The following CDH18 variants were observed in gnomAD, a reference collection of about 807,000 sequenced individuals.
CDH18 encodes cadherin-18.
In CDH18, 31 loss-of-function variants were observed where a neutral mutation model predicts 67.9. That is an observed-to-expected ratio of 0.46 (90% CI 0.34 to 0.62). The LOEUF (loss-of-function observed/expected upper bound fraction) is 0.62, where lower values mean the gene tolerates loss of function less well. Among genes scored for constraint, CDH18 ranks in the 20% least tolerant of loss-of-function variants. The pLI is 0.01. For synonymous variants in CDH18, 362 were observed against 347.2 expected (o/e 1.04, Z -0.48); for missense variants, 890 against 975.5 (o/e 0.91, Z 1.17).
At chr5:19,940,098 A>C (rs1794668896) in intron 2 of CDH18, among the ~76,000 whole-genome samples, 1 of 151,884 alleles carries the variant, frequency 6.6e-6, no homozygotes, top group Admixed American at 6.6e-5. Context: ...TATAGAGACC[A>C]GTACTTTTCT....
At chr5:19,655,422 A>G (rs187091067) in intron 5 of CDH18, among the ~76,000 whole-genome samples, 8 of 151,734 alleles carry the variant, frequency 5.3e-5, no homozygotes, top group Admixed American at 1.3e-4. Context: ...ATATTCACTA[A>G]TGTATCAGTA....
chr5:20,414,550 C>G (rs984294664), intron 1 of CDH18, among the ~76,000 whole-genome samples: 1 of 152,078 alleles, frequency 6.6e-6, no homozygotes, highest in Non-Finnish European at 1.5e-5. Context: ...TCAATAGTAG[C>G]CCAAACCCCA....
intron 2 of CDH18, among the ~76,000 whole-genome samples, chr5:19,841,446 T>C (rs930315880): frequency 3.3e-5 from 5 of 151,996 alleles, no homozygotes; most frequent in Non-Finnish European, 7.4e-5. Context: ...CCCTCATTTA[T>C]TAAAATTTGT....
chr5:20,031,074 T>A (rs1339565637), intron 2 of CDH18, among the ~76,000 whole-genome samples: 4 of 152,114 alleles, frequency 2.6e-5, no homozygotes, highest in African/African-American at 9.7e-5. Flanking sequence ...TCATGAGGAA[T>A]CTCAGCTATA....
intron 2 of CDH18, among the ~76,000 whole-genome samples, chr5:20,172,072 T>C (rs992299341): frequency 6.0e-5 from 9 of 149,548 alleles, no homozygotes; most frequent in African/African-American, 9.9e-5. Flanking sequence ...TCTGGAGAAC[T>C]GAAACGTTTA....
chr5:19,623,103 T>C (rs983867435), intron 5 of CDH18, among the ~76,000 whole-genome samples: 6 of 152,194 alleles, frequency 3.9e-5, no homozygotes, highest in African/African-American at 9.7e-5. Context: ...ATGGAGTGCA[T>C]GACATATAGA....
intron 2 of CDH18, among the ~76,000 whole-genome samples, chr5:20,019,185 G>A (rs1164792040): frequency 6.6e-6 from 1 of 152,176 alleles, no homozygotes; most frequent in Admixed American, 6.5e-5. Flanking sequence ...TACAAAAGGA[G>A]TGAGAATTGT....
chr5:19,741,640 C>T (rs1005435948), intron 4 of CDH18, among the ~76,000 whole-genome samples: 5 of 152,054 alleles, frequency 3.3e-5, no homozygotes, highest in East Asian at 1.9e-4. Context: ...TTAAAGTTCA[C>T]GGCATGAGCA....
chr5:19,725,649 A>G (rs1766744061), intron 4 of CDH18, among the ~76,000 whole-genome samples: 1 of 152,102 alleles, frequency 6.6e-6, no homozygotes, highest in Non-Finnish European at 1.5e-5. Context: ...CATGCCTGTA[A>G]TCCCAGCTAC....
At chr5:20,536,335 GTTC>G (rs1271452871) in intron 1 of CDH18, among the ~76,000 whole-genome samples, 2 of 152,164 alleles carry the variant, frequency 1.3e-5, no homozygotes, top group African/African-American at 2.4e-5. Context: ...TTTGAATGGT[GTTC>G]TTCTGTATTT....
intron 2 of CDH18, among the ~76,000 whole-genome samples, chr5:19,934,584 C>G (rs908879314): frequency 6.6e-6 from 1 of 151,386 alleles, no homozygotes; most frequent in Non-Finnish European, 1.5e-5. Context: ...CCCACTTTTA[C>G]TTCCATTTCA....
chr5:19,901,659 A>G (rs1407203393), intron 2 of CDH18, among the ~76,000 whole-genome samples: 2 of 152,072 alleles, frequency 1.3e-5, no homozygotes, highest in African/African-American at 4.8e-5. Context: ...TGAACCATAA[A>G]GTTGGAATAT....
intron 1 of CDH18, among the ~76,000 whole-genome samples, chr5:20,268,404 ATTGT>A (rs1745201411): frequency 1.3e-5 from 2 of 152,184 alleles, no homozygotes; most frequent in Admixed American, 1.3e-4. Flanking sequence ...CTCTTGCCTG[ATTGT>A]TCTATGTAGG....
chr5:20,074,977 C>T (rs1051317609), intron 2 of CDH18, among the ~76,000 whole-genome samples: 1 of 151,924 alleles, frequency 6.6e-6, no homozygotes, highest in Non-Finnish European at 1.5e-5. Context: ...GTATCTGAAA[C>T]CTATGCAGAT....
At chr5:20,311,052 G>T (rs962507425) in intron 1 of CDH18, among the ~76,000 whole-genome samples, 20 of 151,846 alleles carry the variant, frequency 1.3e-4, no homozygotes, top group African/African-American at 4.8e-4. Flanking sequence ...ACCAGACATT[G>T]AATTCAATAT....
chr5:20,374,971 A>G (rs965944286), intron 1 of CDH18, among the ~76,000 whole-genome samples: 1 of 152,186 alleles, frequency 6.6e-6, no homozygotes, highest in African/African-American at 2.4e-5. Context: ...TTAGCCTGGC[A>G]CACTTGCAAT....
intron 5 of CDH18, among the ~76,000 whole-genome samples, chr5:19,716,911 CAT>C (rs1157403305): frequency 2.0e-5 from 3 of 151,956 alleles, no homozygotes; most frequent in South Asian, 2.1e-4. Flanking sequence ...AAAAATGATA[CAT>C]GAGTTTAAAA....
At chr5:19,478,679 G>C (rs1344834502) in intron 12 of CDH18, 3 of 152,142 alleles carry the variant, frequency 2.0e-5, no homozygotes, top group South Asian at 2.1e-4. Flanking sequence ...GGACTGAAAG[G>C]GTAGCTGGAA....
intron 2 of CDH18, among the ~76,000 whole-genome samples, chr5:19,871,430 G>A (rs1786273978): frequency 6.6e-6 from 1 of 152,028 alleles, no homozygotes; most frequent in South Asian, 2.1e-4. Context: ...AGACCCCTTT[G>A]ATTTCTTTGT....
Sources: allele counts gnomAD v4.1 joint callset (sites outside exome capture counted in the v4.1 genomes callset), GRCh38; gene constraint gnomAD v4.1.1; transcripts MANE v1.5; gene names NCBI Gene and HGNC (gene_info 2026-07-23, HGNC 2026-07-21).